MRPL28: variants seen among roughly 807,000 people sequenced by gnomAD.
MRPL28 encodes the protein mitochondrial ribosomal protein L28.
In MRPL28, 25 loss-of-function variants were observed where a neutral mutation model predicts 26.2. The ratio of observed to expected loss-of-function variants is 0.95; its 90% CI spans 0.69 to 1.33. The LOEUF (loss-of-function observed/expected upper bound fraction) is 1.33, where lower values mean the gene tolerates loss of function less well. Among genes scored for constraint, MRPL28 ranks in the 40% most tolerant of loss-of-function variants. The probability of loss-of-function intolerance (pLI) is 0.00; values close to 1 mark genes in which losing one functional copy is unlikely to be tolerated. For synonymous variants in MRPL28, 227 were observed against 140.1 expected (o/e 1.62, Z -4.38); for missense variants, 432 against 327.2 (o/e 1.32, Z -2.47).
chr16:370,263 G>A (rs1327220202), intron 1 of MRPL28, 38 bp from the exon 2 acceptor site: 1 of 1,235,328 alleles, frequency 8.1e-7, no homozygotes, highest in Non-Finnish European at 1.0e-6. Flanking sequence ...GTCGCAGCCT[G>A]GCCAGGCCCC....
Position 370,150 on chromosome 16 carries a change from G to C in MRPL28, c.69C>G (p.Arg23=). ...RLQLREGICS[R]LPGHYLRSLE... ...GGGAGCGCAGGTAGTGGCCGGGCAGGCGGGAACAGATGCCCTCCCGCAGCT... is the reference window on the plus strand; with the variant it reads ...GGGAGCGCAGGTAGTGGCCGGGCAGCCGGGAACAGATGCCCTCCCGCAGCT... Residue 23 remains arginine (R), a synonymous_variant, in exon 2 of 6, where the codon CGC becomes CGG. Transcript: ENST00000199706. 1 of 1,603,098 alleles carries C rather than the reference G, an allele frequency of 6.2e-7. No individual in the cohort carries two copies. Among genetic ancestry groups the C allele is most frequent in the Non-Finnish European group, 8.5e-7 (1 of 1,176,710 alleles).
chr16:369,486 A>G (rs2054297036), intron 2 of MRPL28: 1 of 633,926 alleles, frequency 1.6e-6, no homozygotes, highest in East Asian at 2.7e-5. Context: ...TGTGTTTCAG[A>G]AACATGTGCG....
At chr16:368,168 G>A (rs1027656956) in intron 5 of MRPL28, among the ~76,000 whole-genome samples, 160 bp downstream of exon 5, 7 of 152,186 alleles carry the variant, frequency 4.6e-5, no homozygotes, top group South Asian at 2.1e-4. Flanking sequence ...GGGAGGGAGC[G>A]GGCCATGCTC....
In MRPL28 at chr16:368,406, G is replaced by A. The variant is rs2054281020; in HGVS notation, c.585C>T (p.Ala195=). The A allele has an allele frequency of 6.2e-7, 1 of 1,613,794 alleles. No homozygotes were observed. Among genetic ancestry groups the A allele is most frequent in the Non-Finnish European group, 8.5e-7 (1 of 1,179,996 alleles). The part of the protein sequence containing the change: ...AAIYDKYKEF[A]IPEEEAEWVG... ...CCCACTCTGCCTCCTCCTCTGGGATGGCAAATTCCTAGGCAGGCAGAGATG... is the reference window on the plus strand; with the variant it reads ...CCCACTCTGCCTCCTCCTCTGGGATAGCAAATTCCTAGGCAGGCAGAGATG... Residue 195 remains alanine (A), a synonymous_variant, in exon 5 of 6, where the codon GCC becomes GCT. Coordinates refer to ENST00000199706, the MANE Select transcript of MRPL28 (RefSeq NM_006428.5).
chr16:369,866 G>C (rs114301973), intron 2 of MRPL28, 65 bp downstream of exon 2: 1 of 1,547,472 alleles, frequency 6.5e-7, no homozygotes, highest in African/African-American at 1.4e-5. Context: ...TACCCCGGGC[G>C]TCCGGCACAG....
At position 370,143 on chromosome 16, in the gene MRPL28, C is replaced by T. The variant is rs1555490477; in HGVS notation, c.76G>A (p.Gly26Ser). 1.9e-6 allele frequency: 3 copies of T among 1,602,426 alleles called. No homozygotes were observed. Among genetic ancestry groups the T allele is most frequent in the South Asian group, 1.1e-5 (1 of 90,130 alleles). Reference sequence around the variant, plus strand: ...TCCTCCAGGGAGCGCAGGTAGTGGCCGGGCAGGCGGGAACAGATGCCCTCC... The same window carrying T: ...TCCTCCAGGGAGCGCAGGTAGTGGCTGGGCAGGCGGGAACAGATGCCCTCC... ...LREGICSRLP[G>S]HYLRSLEEER... The change falls in exon 2 of 6, where the codon GGC becomes AGC. Residue 26 changes from glycine (G) to serine (S), a missense_variant. By Grantham distance (56) the Gly-to-Ser change is moderately conservative (BLOSUM62 0). Coordinates refer to ENST00000199706, the MANE Select transcript of MRPL28 (RefSeq NM_006428.5).
Position 370,146 on chromosome 16 carries a change from G to A in MRPL28, c.73C>T (p.Pro25Ser). The A allele has an allele frequency of 6.2e-7, 1 of 1,603,190 alleles. No homozygotes were observed. The highest frequency in any genetic ancestry group is 8.5e-7 in the Non-Finnish European group (1 of 1,176,686). The change falls in exon 2 of 6, where the codon CCC becomes TCC. Residue 25 changes from proline (P) to serine (S), a missense_variant. By Grantham distance (74) the Pro-to-Ser change is moderately conservative. Transcript: ENST00000199706. ...QLREGICSRL[P>S]GHYLRSLEEE... ...TCCAGGGAGCGCAGGTAGTGGCCGG[G>A]CAGGCGGGAACAGATGCCCTCCCGC...
In MRPL28 at chr16:367,000, G is replaced by A. The variant is rs2054265502; in HGVS notation, c.*675C>T. ...AGGCAGGTGGGTCACCTGAGGTCAG[G>A]AGTTCAAGCCCAGCCTGGCCAACAT... On this transcript the variant is annotated 3_prime_UTR_variant, in exon 6 of 6. Coordinates refer to ENST00000199706, the MANE Select transcript of MRPL28 (RefSeq NM_006428.5). Among the ~76,000 whole-genome samples, 1 of 152,202 alleles carries A rather than the reference G, an allele frequency of 6.6e-6. No homozygotes were observed.
At chr16:369,802 G>T in intron 2 of MRPL28, 129 bp downstream of exon 2, 1 of 1,191,034 alleles carries the variant, frequency 8.4e-7, no homozygotes, top group Non-Finnish European at 1.2e-6. Flanking sequence ...TCCTTTGCCG[G>T]AGATGTGTCG....
chr16:370,150 G>A lies in MRPL28; in HGVS notation c.69C>T (p.Arg23=). The A allele has an allele frequency of 1.2e-6, 2 of 1,603,098 alleles. No individual in the cohort carries two copies. The highest frequency in any genetic ancestry group is 1.7e-6 in the Non-Finnish European group (2 of 1,176,710). Reference sequence around the variant, plus strand: ...GGGAGCGCAGGTAGTGGCCGGGCAGGCGGGAACAGATGCCCTCCCGCAGCT... The same window carrying A: ...GGGAGCGCAGGTAGTGGCCGGGCAGACGGGAACAGATGCCCTCCCGCAGCT... The part of the protein sequence containing the change: ...RLQLREGICS[R]LPGHYLRSLE... The change falls in exon 2 of 6, where the codon CGC becomes CGT. Residue 23 remains arginine, a synonymous_variant. Transcript: ENST00000199706.
chr16:370,311 C>A, intron 1 of MRPL28, 86 bp from the exon 2 acceptor site: 2 of 1,294,272 alleles, frequency 1.5e-6, no homozygotes, highest in South Asian at 3.1e-5. Flanking sequence ...GACTCTCACC[C>A]GCTACCCCGG....
In MRPL28 at chr16:367,336, T is replaced by G. The variant is rs1254921527; in HGVS notation, c.*339A>C. On this transcript the variant is annotated 3_prime_UTR_variant, in exon 6 of 6. Transcript: ENST00000199706. ...GTCTCAGGGGCAGCAAGGGCAGGGG[T>G]GACAGGATCAGGATCCCCAAAGAGA... The G allele has an allele frequency of 1.9e-5, 12 of 628,160 alleles. No individual in the cohort carries two copies. Among genetic ancestry groups the G allele is most frequent in the Middle Eastern group, 2.5e-4 (1 of 3,952 alleles). 38.9% of individuals were successfully genotyped at this position (628,160 alleles called of 1,614,324 possible). A position where few individuals can be genotyped will look rare whatever the true frequency, so the allele number is the denominator to read the frequency against.
In MRPL28 at chr16:370,149, G is replaced by A. The variant is rs547543290; in HGVS notation, c.70C>T (p.Leu24=). ...LQLREGICSR[L]PGHYLRSLEE... ...AGGGAGCGCAGGTAGTGGCCGGGCA[G>A]GCGGGAACAGATGCCCTCCCGCAGC... Residue 24 remains leucine, a synonymous_variant, in exon 2 of 6, where the codon CTG becomes TTG. Transcript: ENST00000199706. The A allele has an allele frequency of 7.5e-6, 12 of 1,602,966 alleles. No homozygotes were observed. The Admixed American group carries it at 8.5e-5, about 11-fold the overall frequency.
chr16:369,304 C>CGGAGGTG (rs2054294290), intron 2 of MRPL28, 84 bp from the exon 3 acceptor site: 2 of 1,516,618 alleles, frequency 1.3e-6, no homozygotes, highest in Non-Finnish European at 1.8e-6. Flanking sequence ...CTCACCTCCC[C>CGGAGGTG]CCCGGAGGCT....
intron 2 of MRPL28, 26 bp from the exon 3 acceptor site, chr16:369,246 A>T: frequency 6.2e-7 from 1 of 1,608,846 alleles, no homozygotes; most frequent in Non-Finnish European, 8.5e-7. Context: ...AGCCTCCATG[A>T]GTACTGCTGC....
rs189475193 is a variant in MRPL28 at position 368,221 on chromosome 16, A to G, written c.663+107T>C. On this transcript the variant is annotated intron_variant, in intron 5 of 5. Coordinates refer to ENST00000199706, the MANE Select transcript of MRPL28 (RefSeq NM_006428.5). ...AGAGCAGCAGCTCTTCCCCAAGCCC[A>G]CCCAGTGCACCAGCCCCTTGTGCAG... is the stretch of plus-strand genomic sequence containing the variant. 2.9e-5 allele frequency: 38 copies of G among 1,333,146 alleles called. No homozygotes were observed. In the African/African-American group the frequency reaches 5.0e-4, roughly 18 times the overall value. 82.6% of individuals were successfully genotyped at this position (1,333,146 alleles called of 1,614,324 possible). A position where few individuals can be genotyped will look rare whatever the true frequency, so the allele number is the denominator to read the frequency against.
intron 5 of MRPL28, 76 bp from the exon 6 acceptor site, chr16:367,858 AGCTGCC>A (rs2054274731): frequency 7.7e-7 from 1 of 1,295,198 alleles, no homozygotes; most frequent in South Asian, 1.2e-5. Context: ...TGGGATCAGC[AGCTGCC>A]GCCCAGAGGA....
chr16:369,038 G>A, intron 3 of MRPL28, 30 bp downstream of exon 3: 2 of 1,609,334 alleles, frequency 1.2e-6, no homozygotes, highest in East Asian at 2.2e-5. Context: ...CCCAGACCCT[G>A]TGTGCACTGA....
intron 2 of MRPL28, chr16:369,614 CCCCACCTGCTCTGCTCGCCTCT>C (rs550408810): frequency 1.2e-4 from 85 of 715,384 alleles, no homozygotes; most frequent in Middle Eastern, 2.3e-4. Context: ...TGCTCGCCTC[CCCCACCTGCTCTGCTCGCCTCT>C]CCCACCTGCT....
Sources: allele counts gnomAD v4.1 joint callset (sites outside exome capture counted in the v4.1 genomes callset), GRCh38; gene constraint gnomAD v4.1.1; transcripts MANE v1.5; gene names NCBI Gene and HGNC (gene_info 2026-07-23, HGNC 2026-07-21).